FAT1: variants seen among roughly 807,000 people sequenced by gnomAD.
The protein encoded by FAT1 is FAT atypical cadherin 1.
A neutral mutation model predicts 329.8 loss-of-function variants in FAT1; 171 were observed. The ratio of observed to expected loss-of-function variants is 0.52; its 90% CI spans 0.46 to 0.59. The LOEUF (loss-of-function observed/expected upper bound fraction) is 0.59, where lower values mean the gene tolerates loss of function less well. Among genes scored for constraint, FAT1 ranks in the 20% least tolerant of loss-of-function variants. The pLI is 0.00. For missense variants in FAT1, 5,672 were observed against 5,774.4 expected, an observed-to-expected ratio of 0.98 and a Z score of 0.57; for synonymous variants, 2,233 against 2,228.6, an observed-to-expected ratio of 1.00 and a Z score of -0.06.
Position 186,603,327 on chromosome 4 carries a change from T to C in FAT1, c.11199A>G (p.Val3733=). The change falls in exon 19 of 27, where the codon GTA becomes GTG. Residue 3733 remains valine, a synonymous_variant. Transcript: ENST00000441802. Reference sequence around the variant, plus strand: ...CCAGTCCCGCGCAGAGTTTCTGGAATACATTCAGTATCCTAACTCCAATGA... The same window carrying C: ...CCAGTCCCGCGCAGAGTTTCTGGAACACATTCAGTATCCTAACTCCAATGA... ...EEIIGVRILN[V]FQKLCAGLDC... is the part of the protein sequence containing the mutation. 1 of 1,614,042 alleles carries C rather than the reference T, an allele frequency of 6.2e-7. No homozygotes were observed. Among genetic ancestry groups the C allele is most frequent in the Non-Finnish European group, 8.5e-7 (1 of 1,179,902 alleles).
chr4:186,703,327 A>ATC (rs1744415766), intron 2 of FAT1, among the ~76,000 whole-genome samples: 2 of 152,236 alleles, frequency 1.3e-5, no homozygotes, highest in South Asian at 4.1e-4. Context: ...TACTTCTACA[A>ATC]AAACAGAAAA....
chr4:186,671,818 T>C (rs923004842), intron 2 of FAT1, among the ~76,000 whole-genome samples: 1 of 151,798 alleles, frequency 6.6e-6, no homozygotes. Context: ...GTGTGTGTGG[T>C]GTGTGTGTGT....
intron 1 of FAT1, among the ~76,000 whole-genome samples, chr4:186,718,656 G>C (rs1745329902): frequency 6.6e-6 from 1 of 152,160 alleles, no homozygotes; most frequent in South Asian, 2.1e-4. Context: ...GACAGAGCCA[G>C]ACTCCGTCTC....
chr4:186,615,671 C>T (rs953641804), intron 11 of FAT1, among the ~76,000 whole-genome samples: 2 of 152,178 alleles, frequency 1.3e-5, no homozygotes, highest in Non-Finnish European at 2.9e-5. Context: ...CCTGCCTCCC[C>T]AAAGTCCTCT....
intron 1 of FAT1, among the ~76,000 whole-genome samples, chr4:186,722,642 AAT>A (rs1189097297): frequency 6.6e-6 from 1 of 152,242 alleles, no homozygotes; most frequent in Non-Finnish European, 1.5e-5. Flanking sequence ...ACTCATTAAG[AAT>A]AGTGTGAAAA....
At chr4:186,713,387 C>T (rs1156683820) in intron 1 of FAT1, among the ~76,000 whole-genome samples, 7 of 152,058 alleles carry the variant, frequency 4.6e-5, no homozygotes, top group Non-Finnish European at 7.3e-5. Context: ...GGGAGAAAAG[C>T]CACAGAGGTA....
At chr4:186,643,498 G>A (rs1485444504) in intron 3 of FAT1, among the ~76,000 whole-genome samples, 1 of 152,090 alleles carries the variant, frequency 6.6e-6, no homozygotes, top group Non-Finnish European at 1.5e-5. Flanking sequence ...TATGGGGGTG[G>A]CACCAGGTGA....
Position 186,656,478 on chromosome 4 carries a change from G to A in FAT1, c.3580+6821C>T, listed in dbSNP as rs192912636. 5.9e-5 allele frequency among the ~76,000 whole-genome samples: 9 copies of A among 152,324 alleles called. No individual in the cohort carries two copies. In the South Asian group the frequency reaches 8.3e-4, roughly 14 times the overall value. On this transcript the variant is annotated intron_variant, in intron 3 of 26. Coordinates refer to ENST00000441802, the MANE Select transcript of FAT1 (RefSeq NM_005245.4). Reference sequence around the variant, plus strand: ...GGGTATCTTCCTGTACTATTTGCACGTTGTGCCATGTGATTGCATTACCCA... The same window carrying A: ...GGGTATCTTCCTGTACTATTTGCACATTGTGCCATGTGATTGCATTACCCA...
chr4:186,626,570 C>T (rs1473468684), intron 9 of FAT1, among the ~76,000 whole-genome samples: 27 of 130,010 alleles, frequency 2.1e-4, no homozygotes, highest in Non-Finnish European at 3.1e-4. Flanking sequence ...TTCACCAGCC[C>T]ACAGAATGAA....
intron 1 of FAT1, among the ~76,000 whole-genome samples, chr4:186,722,793 C>G (rs1745519175): frequency 6.6e-6 from 1 of 151,890 alleles, no homozygotes; most frequent in Non-Finnish European, 1.5e-5. Flanking sequence ...AATCTTTTCT[C>G]ATACTAATAA....
At chr4:186,663,261 T>G (rs549965274) in intron 3 of FAT1, 38 bp downstream of exon 3, 1 of 1,467,636 alleles carries the variant, frequency 6.8e-7, no homozygotes, top group African/African-American at 1.4e-5. Flanking sequence ...CAGAAAAGCA[T>G]AAGCATAAAC....
intron 2 of FAT1, among the ~76,000 whole-genome samples, chr4:186,679,317 T>A (rs1743091607): frequency 6.7e-6 from 1 of 149,368 alleles, no homozygotes; most frequent in Non-Finnish European, 1.5e-5. Flanking sequence ...CTCGGGAGGC[T>A]GAGGCAGGAG....
rs765370853 is a variant in FAT1 at position 186,588,607 on chromosome 4, C to T, written c.13752G>A (p.Gln4584=). The T allele has an allele frequency of 4.3e-6, 7 of 1,611,270 alleles. No individual in the cohort carries two copies. The African/African-American group carries it at 8.0e-5, about 18-fold the overall frequency. Reference sequence around the variant, plus strand: ...GAGTTGAGAGTCAGACTTCCGTGTGCTGCTGGGAATCCAGGGGCGGGATCG... The same window carrying T: ...GAGTTGAGAGTCAGACTTCCGTGTGTTGCTGGGAATCCAGGGGCGGGATCG... ...EVTIPPLDSQ[Q]HTEV Residue 4584 remains glutamine (Q), a synonymous_variant, in exon 27 of 27, where the codon CAG becomes CAA. Transcript: ENST00000441802.
chr4:186,692,715 G>A lies in FAT1; in HGVS notation c.3265+13848C>T, dbSNP rs193142104. ...TCCTCATTTCGGTGTCTATTTCCAC[G>A]CCCCCCAGTCTTCCATGGACTTCCA... is the stretch of plus-strand genomic sequence containing the variant. On this transcript the variant is annotated intron_variant, in intron 2 of 26. Transcript: ENST00000441802. Among the ~76,000 whole-genome samples, 447 of 152,036 alleles carry A rather than the reference G, an allele frequency of 2.9e-3. 2 individuals are homozygous for A. Among genetic ancestry groups the A allele is most frequent in the African/African-American group, 0.01 (422 of 41,442 alleles).
At position 186,589,090 on chromosome 4, in the gene FAT1, G is replaced by T. The variant is rs2126355718; in HGVS notation, c.13269C>A (p.Asp4423Glu). 6.2e-7 allele frequency: 1 copy of T among 1,613,932 alleles called. No individual in the cohort carries two copies. The highest frequency in any genetic ancestry group is 8.5e-7 in the Non-Finnish European group (1 of 1,179,880). The change falls in exon 27 of 27, where the codon GAC (aspartate) becomes GAA (glutamate). Residue 4423 changes from aspartate to glutamate, a missense_variant. This residue lies in a region of FAT1 where 1,706 missense variants were observed against 1,859.1 expected (regional missense o/e 0.92). Coordinates refer to ENST00000441802, the MANE Select transcript of FAT1 (RefSeq NM_005245.4). ...CGATGTCGTAGCCTCCAGGGTAATA[G>T]TCCGTATCGATGGCGTTTGGATCTG... ...YSADPNAIDT[D>E]YYPGGYDIES...
Position 186,668,098 on chromosome 4 carries a change from G to T in FAT1, c.3266-4485C>A, listed in dbSNP as rs577465030. 2.6e-5 allele frequency among the ~76,000 whole-genome samples: 4 copies of T among 152,336 alleles called. No individual in the cohort carries two copies. In the East Asian group the frequency reaches 7.7e-4, roughly 29 times the overall value. ...ATTCCGCTCAGAGTTTTGGGGTTCA[G>T]TACCTAGGCGCTATTATAGGCACTG... On this transcript the variant is annotated intron_variant, in intron 2 of 26. Transcript: ENST00000441802.
At chr4:186,688,021 G>A (rs1311492651) in intron 2 of FAT1, among the ~76,000 whole-genome samples, 1 of 147,176 alleles carries the variant, frequency 6.8e-6, no homozygotes, top group Non-Finnish European at 1.5e-5. Flanking sequence ...CTTCTACAAT[G>A]ACTATATACT....
chr4:186,664,524 T>G (rs1742339465), intron 2 of FAT1, among the ~76,000 whole-genome samples: 1 of 152,158 alleles, frequency 6.6e-6, no homozygotes, highest in Non-Finnish European at 1.5e-5. Flanking sequence ...GTAAGTCAAC[T>G]AGCAAGAGAT....
At chr4:186,590,513 A>T in intron 26 of FAT1, 1 of 611,298 alleles carries the variant, frequency 1.6e-6, no homozygotes, top group South Asian at 1.5e-5. Context: ...ACAGAGGCCC[A>T]ATCAGCCATA....
Sources: gnomAD v4.1 joint callset for allele counts (sites outside exome capture counted in the v4.1 genomes callset) on GRCh38, gnomAD v4.1.1 for gene constraint, gnomAD v4.1.1 regional missense constraint, MANE v1.5 for transcripts, NCBI Gene and HGNC (gene_info 2026-07-23, HGNC 2026-07-21) for gene names.